Variants in NF2 observed in about 807,000 individuals in gnomAD.
The protein encoded by NF2 is merlin.
Under a neutral mutation model 83.7 loss-of-function variants are expected in NF2, and 8 were observed. The ratio of observed to expected loss-of-function variants is 0.10; its 90% confidence interval spans 0.06 to 0.17. The LOEUF (loss-of-function observed/expected upper bound fraction) is 0.17. Among genes scored for constraint, NF2 ranks in the 10% least tolerant of loss-of-function variants. The pLI is 1.00. For synonymous variants in NF2, 266 were observed against 269.6 expected, an observed-to-expected ratio of 0.99 and a Z score of 0.13; for missense variants, 533 against 744.4, an observed-to-expected ratio of 0.72 and a Z score of 3.31.
At chr22:29,658,946 G>A (rs986824649) in intron 7 of NF2, among the ~76,000 whole-genome samples, 11 of 152,122 alleles carry the variant, frequency 7.2e-5, no homozygotes, top group African/African-American at 2.7e-4. Flanking sequence ...AAACAATGAG[G>A]CGGGTCCACC....
chr22:29,689,502 C>G (rs918790127), intron 15 of NF2, among the ~76,000 whole-genome samples: 1 of 151,962 alleles, frequency 6.6e-6, no homozygotes. Context: ...CATTTCAATT[C>G]CACTGCATTT....
intron 1 of NF2, among the ~76,000 whole-genome samples, chr22:29,625,701 T>A (rs979110173): frequency 2.6e-5 from 4 of 152,246 alleles, no homozygotes; most frequent in African/African-American, 4.8e-5. Flanking sequence ...TTTAATGGAA[T>A]CTTTAGTCAC....
At chr22:29,681,049 C>G (rs918856839) in intron 14 of NF2, among the ~76,000 whole-genome samples, 1 of 150,086 alleles carries the variant, frequency 6.7e-6, no homozygotes, top group African/African-American at 2.4e-5. Context: ...TTTTTCTTTC[C>G]TTTTCTTTTT....
chr22:29,635,664 A>C lies in NF2; in HGVS notation c.115-1087A>C, dbSNP rs78298909. ...TTTTTCATTCCTTTTCATTATATACATCTTCAGTGTGCCAAGACTTTGAGT... is the reference window on the plus strand; with the variant it reads ...TTTTTCATTCCTTTTCATTATATACCTCTTCAGTGTGCCAAGACTTTGAGT... On this transcript the variant is annotated intron_variant, in intron 1 of 15. Coordinates refer to ENST00000338641, the MANE Select transcript of NF2 (RefSeq NM_000268.4). 4.2e-3 allele frequency among the ~76,000 whole-genome samples: 636 copies of C among 152,174 alleles called. 4 individuals carry two copies. Among genetic ancestry groups the C allele is most frequent in the African/African-American group, 0.015 (608 of 41,502 alleles).
intron 9 of NF2, among the ~76,000 whole-genome samples, chr22:29,666,655 A>G (rs992612700): frequency 6.6e-6 from 1 of 152,072 alleles, no homozygotes; most frequent in Admixed American, 6.5e-5. Flanking sequence ...GTCTCCAAAA[A>G]AATGAAAATA....
chr22:29,684,872 G>A (rs947769754), intron 15 of NF2, among the ~76,000 whole-genome samples: 8 of 152,006 alleles, frequency 5.3e-5, no homozygotes, highest in Non-Finnish European at 1.0e-4. Flanking sequence ...GTCAGTGACC[G>A]GGACTGATGA....
intron 1 of NF2, among the ~76,000 whole-genome samples, chr22:29,610,281 G>A (rs543750813): frequency 6.6e-6 from 1 of 152,198 alleles, no homozygotes; most frequent in South Asian, 2.1e-4. Flanking sequence ...AGGAGGTTGA[G>A]GAGGCAGTGA....
chr22:29,655,848 G>T (rs1445532447), intron 6 of NF2, among the ~76,000 whole-genome samples, 172 bp downstream of exon 6: 2 of 151,874 alleles, frequency 1.3e-5, no homozygotes, highest in Admixed American at 6.6e-5. Context: ...TCAGTTTTGT[G>T]TGTGTCCTTT....
chr22:29,605,741 A>T (rs2064775944), intron 1 of NF2, among the ~76,000 whole-genome samples: 1 of 152,228 alleles, frequency 6.6e-6, no homozygotes, highest in Non-Finnish European at 1.5e-5. Flanking sequence ...ATGGTATTTG[A>T]ACCAAGATCA....
At chr22:29,618,534 C>T (rs963665295) in intron 1 of NF2, among the ~76,000 whole-genome samples, 2 of 152,134 alleles carry the variant, frequency 1.3e-5, no homozygotes, top group African/African-American at 4.8e-5. Flanking sequence ...AAGATTTTTC[C>T]ACTTGAAAGA....
chr22:29,686,393 A>T (rs966087845), intron 15 of NF2, among the ~76,000 whole-genome samples: 3 of 152,254 alleles, frequency 2.0e-5, no homozygotes, highest in Non-Finnish European at 4.4e-5. Flanking sequence ...TAATCCCAGC[A>T]CGTTGGGAGG....
intron 1 of NF2, among the ~76,000 whole-genome samples, chr22:29,635,844 CA>C (rs2032516122): frequency 6.6e-6 from 1 of 151,996 alleles, no homozygotes; most frequent in Non-Finnish European, 1.5e-5. Flanking sequence ...TTTGAATGTC[CA>C]TCTGATATTT....
chr22:29,611,691 A>G (rs1241069561), intron 1 of NF2, among the ~76,000 whole-genome samples: 1 of 152,216 alleles, frequency 6.6e-6, no homozygotes, highest in Admixed American at 6.6e-5. Flanking sequence ...GGAAGGGAAC[A>G]AGTAAGATCA....
chr22:29,604,046 G>A lies in NF2; in HGVS notation c.48G>A (p.Arg16=), dbSNP rs774973059. 1.2e-5 allele frequency: 19 copies of A among 1,606,212 alleles called. No homozygotes were observed. The African/African-American group carries it at 2.1e-4, about 18-fold the overall frequency. The change falls in exon 1 of 16, where the codon AGG becomes AGA. Residue 16 remains arginine, a synonymous_variant. Transcript: ENST00000338641. The part of the protein sequence containing the change: ...ASRMSFSSLK[R]KQPKTFTVRI... ...GCATGAGCTTCAGCTCTCTCAAGAG[G>A]AAGCAACCCAAGACGTTCACCGTGA...
intron 4 of NF2, among the ~76,000 whole-genome samples, chr22:29,652,175 C>G (rs926832734): frequency 6.6e-6 from 1 of 151,836 alleles, no homozygotes; most frequent in South Asian, 2.2e-4. Flanking sequence ...TACTTCAGCA[C>G]CCCCCCACTT....
intron 15 of NF2, among the ~76,000 whole-genome samples, chr22:29,689,177 C>CAAAAAA (rs140087): frequency 2.2e-5 from 2 of 89,286 alleles, no homozygotes; most frequent in African/African-American, 4.5e-5. Context: ...GACTCCGTCT[C>CAAAAAA]AAAAAAAAAA....
intron 13 of NF2, among the ~76,000 whole-genome samples, chr22:29,676,766 C>T (rs2066975306): frequency 6.6e-6 from 1 of 152,160 alleles, no homozygotes; most frequent in Admixed American, 6.5e-5. Flanking sequence ...ACTGTGGGGT[C>T]AAATTTTCGA....
chr22:29,642,850 A>G (rs2146899250), intron 4 of NF2, among the ~76,000 whole-genome samples: 1 of 152,228 alleles, frequency 6.6e-6, no homozygotes, highest in African/African-American at 2.4e-5. Context: ...CCCCTGATTG[A>G]CATGCTAGCT....
chr22:29,682,932 A>G, intron 15 of NF2: 1 of 1,507,500 alleles, frequency 6.6e-7, no homozygotes, highest in Middle Eastern at 1.7e-4. Context: ...TTTCAGGCCT[A>G]TCCAAGCATT....
Sources: gnomAD v4.1 joint callset for allele counts (sites outside exome capture counted in the v4.1 genomes callset) on GRCh38, gnomAD v4.1.1 for gene constraint, MANE v1.5 for transcripts, NCBI Gene and HGNC (gene_info 2026-07-23, HGNC 2026-07-21) for gene names.